Variants in MEIS2 observed in about 807,000 individuals in gnomAD.
MEIS2 encodes the protein Meis homeobox 2, also known as homeobox protein Meis2.
A neutral mutation model predicts 58.6 loss-of-function variants in MEIS2; 9 were observed. That is an observed-to-expected ratio of 0.15 (90% CI 0.09 to 0.27). The LOEUF (loss-of-function observed/expected upper bound fraction) is 0.27, where lower values mean the gene tolerates loss of function less well. MEIS2 is among the 10% of genes least tolerant of loss of function. The pLI, the probability that MEIS2 is intolerant of heterozygous loss-of-function variation, is 1.00. For missense variants in MEIS2, 427 were observed against 635.0 expected, an observed-to-expected ratio of 0.67 and a Z score of 3.52; for synonymous variants, 221 against 228.4, an observed-to-expected ratio of 0.97 and a Z score of 0.29.
intron 7 of MEIS2, among the ~76,000 whole-genome samples, chr15:37,054,260 TTC>T (rs1247581491): frequency 6.6e-6 from 1 of 152,220 alleles, no homozygotes; most frequent in Non-Finnish European, 1.5e-5. Flanking sequence ...CTCAATTACA[TTC>T]TCTTTCTGTA....
chr15:36,941,186 A>G (rs1449728364), intron 9 of MEIS2, among the ~76,000 whole-genome samples: 1 of 152,194 alleles, frequency 6.6e-6, no homozygotes, highest in East Asian at 1.9e-4. Flanking sequence ...GACTATCAGG[A>G]TTTAGTAACT....
intron 8 of MEIS2, among the ~76,000 whole-genome samples, chr15:37,001,620 A>G (rs777023157): frequency 6.6e-6 from 1 of 151,996 alleles, no homozygotes; most frequent in Non-Finnish European, 1.5e-5. Context: ...TTCCATTTCC[A>G]TTGCCCTAAG....
intron 9 of MEIS2, among the ~76,000 whole-genome samples, chr15:36,943,416 G>A (rs2058445027): frequency 6.6e-6 from 1 of 152,090 alleles, no homozygotes; most frequent in Admixed American, 6.6e-5. Flanking sequence ...AAGAGAGGAG[G>A]ATAATTCTAA....
chr15:36,980,967 C>T (rs1046254992), intron 8 of MEIS2, among the ~76,000 whole-genome samples: 8 of 152,140 alleles, frequency 5.3e-5, no homozygotes, highest in Non-Finnish European at 1.2e-4. Flanking sequence ...TCTTAGGCTA[C>T]ATTAGCACAT....
chr15:36,987,896 AG>A (rs1447306809), intron 8 of MEIS2, among the ~76,000 whole-genome samples: 6 of 152,176 alleles, frequency 3.9e-5, no homozygotes, highest in African/African-American at 1.4e-4. Context: ...ATTGAACATC[AG>A]ATCTATACAA....
chr15:37,036,785 T>A (rs1203524890), intron 8 of MEIS2, 29 bp downstream of exon 8: 2 of 1,462,984 alleles, frequency 1.4e-6, no homozygotes, highest in Non-Finnish European at 1.8e-6. Context: ...ACAAAAACTA[T>A]TTTTTTTTTC....
intron 9 of MEIS2, among the ~76,000 whole-genome samples, chr15:36,930,953 C>T (rs1359924772): frequency 6.6e-6 from 1 of 152,168 alleles, no homozygotes; most frequent in Non-Finnish European, 1.5e-5. Context: ...GAGTTACCTG[C>T]CTGGCAATGG....
intron 8 of MEIS2, among the ~76,000 whole-genome samples, chr15:37,029,447 T>C (rs906625573): frequency 5.3e-5 from 8 of 152,174 alleles, no homozygotes; most frequent in African/African-American, 1.9e-4. Context: ...AAATAACTAA[T>C]GTCCATGAAA....
chr15:36,991,783 C>CTTTTTTTTTT (rs11285545), intron 8 of MEIS2, among the ~76,000 whole-genome samples: 48 of 51,026 alleles, frequency 9.4e-4, no homozygotes, highest in South Asian at 2.5e-3. Context: ...TTTTTTTTTT[C>CTTTTTTTTTT]TTTTTTTTTT....
At chr15:36,929,859 A>C (rs561393192) in intron 9 of MEIS2, among the ~76,000 whole-genome samples, 1 of 152,138 alleles carries the variant, frequency 6.6e-6, no homozygotes, top group Non-Finnish European at 1.5e-5. Flanking sequence ...AGAGGTGACA[A>C]CTCAGCAGAA....
At chr15:36,904,131 G>A (rs2056607853) in intron 9 of MEIS2, 1 of 152,062 alleles carries the variant, frequency 6.6e-6, no homozygotes, top group Non-Finnish European at 1.5e-5. Context: ...TTATAGAGTA[G>A]GACTTTGTTC....
intron 9 of MEIS2, among the ~76,000 whole-genome samples, chr15:36,902,177 A>T (rs752308805): frequency 5.3e-5 from 8 of 152,190 alleles, no homozygotes; most frequent in Non-Finnish European, 1.0e-4. Flanking sequence ...TTACAGTCAA[A>T]ATGCACCTAT....
chr15:36,921,357 C>G (rs1308421161), intron 9 of MEIS2, among the ~76,000 whole-genome samples: 2 of 152,178 alleles, frequency 1.3e-5, no homozygotes, highest in African/African-American at 2.4e-5. Context: ...ACATTCTGTT[C>G]AAGGGACAGC....
chr15:37,051,644 T>C (rs1021758547), intron 7 of MEIS2, among the ~76,000 whole-genome samples: 1 of 152,176 alleles, frequency 6.6e-6, no homozygotes, highest in African/African-American at 2.4e-5. Context: ...TTCATAAAAA[T>C]AATAAGCAAA....
At chr15:36,970,862 G>A (rs2059528535) in intron 8 of MEIS2, among the ~76,000 whole-genome samples, 1 of 152,170 alleles carries the variant, frequency 6.6e-6, no homozygotes, top group South Asian at 2.1e-4. Context: ...GGCTGCGGGA[G>A]GGCACTGTGT....
chr15:37,048,056 G>C (rs1393040903), intron 7 of MEIS2, among the ~76,000 whole-genome samples: 2 of 152,138 alleles, frequency 1.3e-5, no homozygotes, highest in Non-Finnish European at 2.9e-5. Flanking sequence ...TTTTAGTAAA[G>C]ATAGCTGGCT....
chr15:37,024,357 G>A (rs565304110), intron 8 of MEIS2, among the ~76,000 whole-genome samples: 14 of 152,096 alleles, frequency 9.2e-5, no homozygotes, highest in East Asian at 3.9e-4. Flanking sequence ...CTCAAACCCC[G>A]TTCTCTCTCT....
intron 7 of MEIS2, among the ~76,000 whole-genome samples, chr15:37,061,083 G>A (rs530496780): frequency 7.2e-5 from 11 of 152,256 alleles, no homozygotes; most frequent in African/African-American, 2.4e-4. Flanking sequence ...GATCCTCTTA[G>A]GGGGTGCGGC....
intron 9 of MEIS2, among the ~76,000 whole-genome samples, chr15:36,916,036 A>G (rs1426551437): frequency 1.3e-5 from 2 of 152,174 alleles, no homozygotes; most frequent in Admixed American, 6.5e-5. Flanking sequence ...GCTAATGTAT[A>G]TTTTAGGTGA....
Sources: gnomAD v4.1 joint callset for allele counts (sites outside exome capture counted in the v4.1 genomes callset) on GRCh38, gnomAD v4.1.1 for gene constraint, MANE v1.5 for transcripts, NCBI Gene and HGNC (gene_info 2026-07-23, HGNC 2026-07-21) for gene names.